Variants in ATG4C observed in about 807,000 individuals in gnomAD.
ATG4C encodes autophagy related 4C cysteine peptidase.
ATG4C carries 56 observed loss-of-function variants against 57.6 expected under a neutral mutation model. The ratio of observed to expected loss-of-function variants is 0.97; its 90% CI spans 0.78 to 1.21. The LOEUF is 1.21. Ranked by LOEUF, ATG4C falls within the 50% of genes most tolerant of loss-of-function variation. ATG4C has a pLI of 0.00. For missense variants in ATG4C, 595 were observed against 529.8 expected (o/e 1.12, Z -1.21); for synonymous variants, 157 against 174.1 (o/e 0.90, Z 0.78).
intron 3 of ATG4C, among the ~76,000 whole-genome samples, chr1:62,815,873 T>C (rs1427055059): frequency 2.6e-5 from 4 of 151,978 alleles, no homozygotes; most frequent in Admixed American, 2.6e-4. Context: ...TTAGTAGAGA[T>C]GGGGTTTCAC....
chr1:62,846,241 C>T (rs1159689083), intron 10 of ATG4C, among the ~76,000 whole-genome samples: 1 of 152,174 alleles, frequency 6.6e-6, no homozygotes, highest in East Asian at 1.9e-4. Context: ...GGTGAACATC[C>T]ACTTCACCCT....
At chr1:62,787,771 T>A (rs1020611669) in intron 1 of ATG4C, among the ~76,000 whole-genome samples, 1 of 152,020 alleles carries the variant, frequency 6.6e-6, no homozygotes, top group Non-Finnish European at 1.5e-5. Context: ...GCCAGCCTTA[T>A]AGAATTGTTG....
intron 10 of ATG4C, among the ~76,000 whole-genome samples, chr1:62,856,847 C>G (rs751347321): frequency 6.6e-6 from 1 of 152,058 alleles, no homozygotes; most frequent in Non-Finnish European, 1.5e-5. Context: ...TGGGGGAAAT[C>G]TATGGTAGGA....
At chr1:62,840,998 T>G (rs1190618738) in intron 9 of ATG4C, among the ~76,000 whole-genome samples, 1 of 152,236 alleles carries the variant, frequency 6.6e-6, no homozygotes, top group Non-Finnish European at 1.5e-5. Flanking sequence ...TGTATTTGTT[T>G]AAAAAGTCTC....
At chr1:62,853,186 G>C (rs1666571299) in intron 10 of ATG4C, among the ~76,000 whole-genome samples, 1 of 152,100 alleles carries the variant, frequency 6.6e-6, no homozygotes, top group Non-Finnish European at 1.5e-5. Context: ...TAGTGTTGTT[G>C]AGAAGTTTGA....
At chr1:62,805,101 C>T (rs1927486) in intron 2 of ATG4C, 71 bp from the exon 3 acceptor site, 256,173 of 1,438,020 alleles carry the variant, frequency 0.18, 27,651 homozygotes, top group African/African-American at 0.51. Flanking sequence ...TAAAAGAAAA[C>T]GCTGCTAGAC....
At chr1:62,812,798 A>G (rs1307198852) in intron 3 of ATG4C, among the ~76,000 whole-genome samples, 3 of 152,216 alleles carry the variant, frequency 2.0e-5, no homozygotes, top group Admixed American at 2.0e-4. Flanking sequence ...TCAATGTGCA[A>G]AAATCGCAAG....
chr1:62,794,958 A>C (rs183151517), intron 1 of ATG4C, among the ~76,000 whole-genome samples: 1 of 152,352 alleles, frequency 6.6e-6, no homozygotes, highest in Admixed American at 6.5e-5. Flanking sequence ...AAGGTTACAT[A>C]GATAAAAAAC....
intron 3 of ATG4C, among the ~76,000 whole-genome samples, chr1:62,811,233 G>A (rs6683832): frequency 0.64 from 96,784 of 152,080 alleles, 31,088 homozygotes; most frequent in African/African-American, 0.73. Context: ...CTTAAACTTG[G>A]TTCTGTCTCT....
At chr1:62,816,491 C>A (rs1665274465) in intron 3 of ATG4C, 84 bp from the exon 4 acceptor site, 2 of 874,320 alleles carry the variant, frequency 2.3e-6, no homozygotes, top group East Asian at 3.0e-5. Context: ...TGACATACTT[C>A]ACATCTTAAG....
intron 2 of ATG4C, among the ~76,000 whole-genome samples, chr1:62,804,072 ATGTGGT>A (rs1195723687): frequency 6.7e-6 from 1 of 150,062 alleles, no homozygotes; most frequent in Non-Finnish European, 1.5e-5. Flanking sequence ...CAAGCATACG[ATGTGGT>A]CTCCTTTTTT....
intron 10 of ATG4C, among the ~76,000 whole-genome samples, chr1:62,861,461 T>C (rs961231274): frequency 5.3e-5 from 8 of 151,912 alleles, no homozygotes; most frequent in Admixed American, 2.6e-4. Flanking sequence ...AGAAGGATCA[T>C]TTGAGTCCAG....
intron 6 of ATG4C, among the ~76,000 whole-genome samples, chr1:62,825,939 G>T (rs1266185004): frequency 6.6e-6 from 1 of 151,216 alleles, no homozygotes; most frequent in African/African-American, 2.4e-5. Context: ...ATGGAATCTC[G>T]CTCTGTTGTC....
At chr1:62,791,834 C>T (rs1664283914) in intron 1 of ATG4C, among the ~76,000 whole-genome samples, 1 of 152,272 alleles carries the variant, frequency 6.6e-6, no homozygotes, top group South Asian at 2.1e-4. Context: ...TTAGTCTTCT[C>T]TACTTGGGTT....
chr1:62,851,168 ACTT>A (rs1258702146), intron 10 of ATG4C, among the ~76,000 whole-genome samples: 1 of 151,890 alleles, frequency 6.6e-6, no homozygotes, highest in Admixed American at 6.6e-5. Flanking sequence ...GTTTTTACCT[ACTT>A]CTTCTATTTT....
chr1:62,793,136 T>C (rs1664339703), intron 1 of ATG4C, among the ~76,000 whole-genome samples: 1 of 151,722 alleles, frequency 6.6e-6, no homozygotes, highest in South Asian at 2.1e-4. Context: ...TTCGCCCGCC[T>C]CGGCCTCCCA....
intron 1 of ATG4C, among the ~76,000 whole-genome samples, chr1:62,792,429 T>A (rs1292504744): frequency 6.6e-6 from 1 of 152,162 alleles, no homozygotes; most frequent in African/African-American, 2.4e-5. Context: ...ATAGGGAGGT[T>A]AGGAGGTATG....
chr1:62,838,311 T>C (rs903274634), intron 9 of ATG4C, among the ~76,000 whole-genome samples: 4 of 152,154 alleles, frequency 2.6e-5, no homozygotes, highest in Non-Finnish European at 4.4e-5. Flanking sequence ...TTACCAATCA[T>C]TAGAATTTTA....
chr1:62,821,186 T>A lies in ATG4C; in HGVS notation c.773T>A (p.Ile258Asn). The A allele has an allele frequency of 6.3e-7, 1 of 1,599,748 alleles. No homozygotes were observed. Among genetic ancestry groups the A allele is most frequent in the Non-Finnish European group, 8.5e-7 (1 of 1,174,648 alleles). The change falls in exon 6 of 11, where the codon ATT (isoleucine) becomes AAT (asparagine). Residue 258 changes from isoleucine (I) to asparagine (N), a missense_variant. Ile to Asn is a moderately radical substitution (Grantham distance 149). Coordinates refer to ENST00000317868, the MANE Select transcript of ATG4C (RefSeq NM_032852.4). ...ARHPDLQGITIYVAQDCTVYN... is the reference protein window; with the variant it reads ...ARHPDLQGITNYVAQDCTVYN... ...CATCCTGATTTACAAGGAATAACTA[T>A]TTATGTTGCACAAGATTGTACAGGT...
Sources: gnomAD v4.1 joint callset for allele counts (sites outside exome capture counted in the v4.1 genomes callset) on GRCh38, gnomAD v4.1.1 for gene constraint, MANE v1.5 for transcripts, NCBI Gene and HGNC (gene_info 2026-07-23, HGNC 2026-07-21) for gene names.